The following AFG3L2 variants were observed in gnomAD, a reference collection of about 807,000 sequenced individuals.
AFG3L2 encodes the protein mitochondrial inner membrane m-AAA protease component AFG3L2.
A neutral mutation model predicts 94.5 loss-of-function variants in AFG3L2; 54 were observed. The ratio of observed to expected loss-of-function variants is 0.57; its 90% CI spans 0.46 to 0.72. The LOEUF (loss-of-function observed/expected upper bound fraction) is 0.72, where lower values mean the gene tolerates loss of function less well. AFG3L2 is among the 30% of genes least tolerant of loss of function. The probability of loss-of-function intolerance (pLI) is 0.00; values close to 1 mark genes in which losing one functional copy is unlikely to be tolerated. For synonymous variants in AFG3L2, 377 were observed against 365.5 expected (o/e 1.03, Z -0.36); for missense variants, 754 against 994.9 (o/e 0.76, Z 3.26).
intron 8 of AFG3L2, 85 bp downstream of exon 8, chr18:12,358,585 C>G (rs1908563792): frequency 6.7e-7 from 1 of 1,486,532 alleles, no homozygotes; most frequent in East Asian, 2.4e-5. Flanking sequence ...AAACAGCTAT[C>G]TATAATAAGT....
chr18:12,365,689 C>T (rs1908782366), intron 5 of AFG3L2, among the ~76,000 whole-genome samples: 1 of 152,142 alleles, frequency 6.6e-6, no homozygotes, highest in African/African-American at 2.4e-5. Flanking sequence ...TTTCTTACAT[C>T]CTTACCTTCC....
intron 1 of AFG3L2, among the ~76,000 whole-genome samples, chr18:12,374,550 T>A (rs143402050): frequency 6.6e-5 from 10 of 152,234 alleles, no homozygotes; most frequent in African/African-American, 2.4e-4. Context: ...AGAGTATGTA[T>A]CAGGACCGCG....
At chr18:12,366,074 C>T (rs1908798102) in intron 5 of AFG3L2, among the ~76,000 whole-genome samples, 1 of 152,002 alleles carries the variant, frequency 6.6e-6, no homozygotes, top group South Asian at 2.1e-4. Flanking sequence ...TCGGGGGTTT[C>T]ACCATGTTAG....
At chr18:12,334,058 G>C (rs548002530) in intron 16 of AFG3L2, among the ~76,000 whole-genome samples, 2 of 149,832 alleles carry the variant, frequency 1.3e-5, no homozygotes, top group Admixed American at 6.8e-5. Context: ...CTGGTACACA[G>C]GTGTTGGGTG....
At chr18:12,353,276 A>G in intron 9 of AFG3L2, 118 bp from the exon 10 acceptor site, 2 of 1,268,932 alleles carry the variant, frequency 1.6e-6, no homozygotes, top group South Asian at 1.2e-5. Flanking sequence ...GCACTGTGGG[A>G]GGCCGAGGCT....
chr18:12,371,764 C>A, intron 1 of AFG3L2, 73 bp from the exon 2 acceptor site: 1 of 1,241,760 alleles, frequency 8.1e-7, no homozygotes, highest in South Asian at 1.3e-5. Flanking sequence ...ATTTCCTGGT[C>A]ATAAAGTAGA....
chr18:12,331,808 AATATATAT>A (rs35558132), intron 16 of AFG3L2, among the ~76,000 whole-genome samples: 107 of 146,308 alleles, frequency 7.3e-4, no homozygotes, highest in African/African-American at 2.4e-3. Flanking sequence ...TAAATAAATA[AATATATAT>A]ATATATATAT....
intron 16 of AFG3L2, among the ~76,000 whole-genome samples, chr18:12,336,522 C>T (rs113156600): frequency 6.2e-4 from 94 of 152,230 alleles, no homozygotes; most frequent in African/African-American, 2.0e-3. Flanking sequence ...CCAAGGAGAC[C>T]GATTTGAGTA....
intron 1 of AFG3L2, among the ~76,000 whole-genome samples, chr18:12,375,654 C>T (rs1390416800): frequency 6.6e-6 from 1 of 152,170 alleles, no homozygotes; most frequent in Non-Finnish European, 1.5e-5. Flanking sequence ...CACGCCATTC[C>T]CCTGCCTCAG....
Position 12,329,742 on chromosome 18 carries a change from A to G in AFG3L2, c.2217T>C (p.Asn739=). The change falls in exon 17 of 17, where the codon AAT becomes AAC. Residue 739 remains asparagine, a synonymous_variant. Transcript: ENST00000269143. ...LLLEKEVLDK[N]DMVELLGPRP... The stretch of plus-strand genomic sequence containing the variant: ...TGGGGCCCAAAAGTTCAACCATATC[A>G]TTCTTATCTAATACTTCTTTTTCTA... 6.2e-7 allele frequency: 1 copy of G among 1,614,228 alleles called. No homozygotes were observed. Among genetic ancestry groups the G allele is most frequent in the Non-Finnish European group, 8.5e-7 (1 of 1,180,034 alleles).
chr18:12,370,915 ATT>A lies in AFG3L2; in HGVS notation c.224_225del (p.Lys75IlefsTer4). 6.4e-7 allele frequency: 1 copy of A among 1,556,676 alleles called. No homozygotes were observed. The highest frequency in any genetic ancestry group is 8.8e-7 in the Non-Finnish European group (1 of 1,133,250). On this transcript the variant is annotated frameshift_variant, in exon 3 of 17. Coordinates refer to ENST00000269143, the MANE Select transcript of AFG3L2 (RefSeq NM_006796.3). LOFTEE classifies it high-confidence loss of function. ...TTTCCATTTTTTCCATTAGGAAAGTATTTTTCAAATCCTGTTAGAAAAAGAAA... is the reference window on the plus strand; with the variant it reads ...TTTCCATTTTTTCCATTAGGAAAGTATTTCAAATCCTGTTAGAAAAAGAAA... ...FCSRPPKGFE[K>X]YFPNGKNGKK...
chr18:12,377,005 G>A lies in AFG3L2; in HGVS notation c.78C>T (p.Gly26=). The A allele has an allele frequency of 6.8e-7, 1 of 1,460,992 alleles. No homozygotes were observed. Among genetic ancestry groups the A allele is most frequent in the South Asian group, 1.3e-5 (1 of 76,272 alleles). 90.5% of individuals were successfully genotyped at this position (1,460,992 alleles called of 1,614,324 possible). A position where few individuals can be genotyped will look rare whatever the true frequency, so the allele number is the denominator to read the frequency against. The part of the protein sequence containing the change: ...PRGLQQLLVP[G]GVGPGEQPCL... ...AGGGCTGCTCGCCCGGGCCCACGCC[G>A]CCAGGCACGAGGAGCTGCTGTAGGC... is the stretch of plus-strand genomic sequence containing the variant. Residue 26 remains glycine (G), a synonymous_variant, in exon 1 of 17, where the codon GGC becomes GGT. Coordinates refer to ENST00000269143, the MANE Select transcript of AFG3L2 (RefSeq NM_006796.3).
chr18:12,347,639 C>T (rs1908187186), intron 13 of AFG3L2, among the ~76,000 whole-genome samples: 2 of 151,752 alleles, frequency 1.3e-5, no homozygotes, highest in South Asian at 2.1e-4. Context: ...TAACCTCTGC[C>T]TCCCGGGTTC....
At position 12,367,074 on chromosome 18, in the gene AFG3L2, A is replaced by T. The variant is rs766261237; in HGVS notation, c.443T>A (p.Leu148His). The change falls in exon 5 of 17, where the codon CTC (leucine) becomes CAC (histidine). Residue 148 changes from leucine (L) to histidine (H), a missense_variant. Leu to His is a moderately conservative substitution (Grantham distance 99, BLOSUM62 -3). Transcript: ENST00000269143. ...TCCACCCCAGAACAGAGCAGTCCAG[A>T]GGAAGAACATCCTGAAATCCTTGTC... ...WDDKDFRMFF[L>H]WTALFWGGVM... The T allele has an allele frequency of 1.2e-6, 2 of 1,614,248 alleles. No homozygotes were observed. The highest frequency in any genetic ancestry group is 1.7e-6 in the Non-Finnish European group (2 of 1,180,044).
At position 12,344,376 on chromosome 18, in the gene AFG3L2, C is replaced by T. The variant is rs114393425; in HGVS notation, c.1664-129G>A. On this transcript the variant is annotated intron_variant, in intron 13 of 16. Coordinates refer to ENST00000269143, the MANE Select transcript of AFG3L2 (RefSeq NM_006796.3). ...GGAGACTGAGCTGCCTATCACAATC[C>T]AAAAATTCCTAATCAAGGCCAGGCG... is the stretch of plus-strand genomic sequence containing the variant. The T allele has an allele frequency of 4.0e-3, 3,074 of 774,794 alleles. 63 individuals carry two copies. In the African/African-American group the frequency reaches 0.044, roughly 11 times the overall value. The allele number at this position is 774,794 out of a possible 1,614,324, so 48.0% of individuals were successfully genotyped here.
At chr18:12,347,983 G>A (rs540475422) in intron 13 of AFG3L2, among the ~76,000 whole-genome samples, 11 of 152,262 alleles carry the variant, frequency 7.2e-5, no homozygotes, top group African/African-American at 1.9e-4. Context: ...TAGACACCTC[G>A]CTGCTGGCTG....
chr18:12,339,692 C>CAA (rs1368631881), intron 15 of AFG3L2, among the ~76,000 whole-genome samples: 2 of 149,324 alleles, frequency 1.3e-5, no homozygotes, highest in Non-Finnish European at 3.0e-5. Flanking sequence ...ACTAAAAATA[C>CAA]AAAAAAATCA....
Position 12,329,410 on chromosome 18 carries a change from C to T in AFG3L2, c.*155G>A, listed in dbSNP as rs1463217302. ...CTGCCACCCACTGTGACCTCTGAGGCTGAAAGGACTAAGGACTCCTTTCCC... is the reference window on the plus strand; with the variant it reads ...CTGCCACCCACTGTGACCTCTGAGGTTGAAAGGACTAAGGACTCCTTTCCC... On this transcript the variant is annotated 3_prime_UTR_variant, in exon 17 of 17. Transcript: ENST00000269143. 13 of 815,724 alleles carry T rather than the reference C, an allele frequency of 1.6e-5. No individual in the cohort carries two copies. The highest frequency in any genetic ancestry group is 6.8e-5 in the African/African-American group (4 of 59,142). 50.5% of individuals were successfully genotyped at this position (815,724 alleles called of 1,614,324 possible).
chr18:12,370,172 A>C (rs1908937170), intron 3 of AFG3L2, among the ~76,000 whole-genome samples: 1 of 152,066 alleles, frequency 6.6e-6, no homozygotes. Context: ...AAGGTGAGGT[A>C]ATGCTCTGAG....
Sources: gnomAD v4.1 joint callset for allele counts (sites outside exome capture counted in the v4.1 genomes callset) on GRCh38, gnomAD v4.1.1 for gene constraint, MANE v1.5 for transcripts, NCBI Gene and HGNC (gene_info 2026-07-23, HGNC 2026-07-21) for gene names.